The following EPHA6 variants were observed in gnomAD, a reference collection of about 807,000 sequenced individuals.
EPHA6 encodes ephrin type-A receptor 6.
Under a neutral mutation model 112.0 loss-of-function variants are expected in EPHA6, and 50 were observed. The observed-to-expected ratio is 0.45, with a 90% CI of 0.36 to 0.56. The LOEUF is 0.56. EPHA6 is among the 20% of genes least tolerant of loss of function. The probability of loss-of-function intolerance (pLI) is 0.00; values close to 1 mark genes in which losing one functional copy is unlikely to be tolerated. For missense variants in EPHA6, 1,280 were observed against 1,417.4 expected (o/e 0.90, Z 1.56); for synonymous variants, 529 against 490.7 (o/e 1.08, Z -1.03).
rs185061752 is a variant in EPHA6, at chr3:97,463,048, G to A, written c.1895-12304G>A. 4.1e-3 allele frequency among the ~76,000 whole-genome samples: 618 copies of A among 152,054 alleles called. 5 individuals are homozygous for A. The highest frequency in any genetic ancestry group is 0.013 in the African/African-American group (558 of 41,486). Reference sequence around the variant, plus strand: ...TATTAATGTCACTCAATAGAGATGAGAGAAATACAAGAATAGTCCAAATTT... The same window carrying A: ...TATTAATGTCACTCAATAGAGATGAAAGAAATACAAGAATAGTCCAAATTT... On this transcript the variant is annotated intron_variant, in intron 7 of 17. Transcript: ENST00000389672.
At chr3:97,553,059 C>A (rs2093050970) in intron 11 of EPHA6, among the ~76,000 whole-genome samples, 1 of 152,106 alleles carries the variant, frequency 6.6e-6, no homozygotes, top group Admixed American at 6.6e-5. Context: ...CAGTCTTGCC[C>A]CTACCACAAC....
At chr3:97,297,695 T>A (rs1173886227) in intron 5 of EPHA6, among the ~76,000 whole-genome samples, 1 of 152,230 alleles carries the variant, frequency 6.6e-6, no homozygotes, top group African/African-American at 2.4e-5. Flanking sequence ...ATGGGAATGA[T>A]ATGTTGAAGA....
intron 3 of EPHA6, among the ~76,000 whole-genome samples, chr3:97,148,473 A>T (rs1454454497): frequency 1.3e-5 from 2 of 152,122 alleles, no homozygotes; most frequent in East Asian, 3.9e-4. Context: ...TGTCTTGAAA[A>T]AAATGCATAT....
At chr3:97,680,100 C>A (rs1341300383) in intron 14 of EPHA6, among the ~76,000 whole-genome samples, 1 of 152,144 alleles carries the variant, frequency 6.6e-6, no homozygotes, top group Non-Finnish European at 1.5e-5. Flanking sequence ...TAATGAAAAT[C>A]TCTGTCAATT....
intron 3 of EPHA6, among the ~76,000 whole-genome samples, chr3:97,166,293 C>A (rs2076539283): frequency 1.3e-5 from 2 of 150,012 alleles, no homozygotes; most frequent in South Asian, 2.1e-4. Context: ...AAAGACCTTA[C>A]AATAATTAAC....
chr3:97,605,111 A>G (rs548663498), intron 12 of EPHA6, among the ~76,000 whole-genome samples: 116 of 151,678 alleles, frequency 7.6e-4, no homozygotes, highest in Non-Finnish European at 1.3e-3. Context: ...GGAGAAAGTA[A>G]ACTGTCAAGA....
chr3:97,434,709 C>G (rs2089723396), intron 6 of EPHA6, among the ~76,000 whole-genome samples: 1 of 151,994 alleles, frequency 6.6e-6, no homozygotes, highest in South Asian at 2.1e-4. Context: ...TATTGTATCT[C>G]TTGAATCTAT....
intron 7 of EPHA6, 56 bp downstream of exon 7, chr3:97,448,786 G>C: frequency 6.4e-7 from 1 of 1,572,424 alleles, no homozygotes; most frequent in Non-Finnish European, 8.7e-7. Context: ...ATTCCAATTT[G>C]ACCTGATATT....
intron 11 of EPHA6, among the ~76,000 whole-genome samples, chr3:97,558,016 C>G (rs1245524664): frequency 2.6e-5 from 4 of 151,926 alleles, no homozygotes; most frequent in Admixed American, 1.3e-4. Context: ...TTTGTAGACA[C>G]AAGATGGAGG....
intron 3 of EPHA6, among the ~76,000 whole-genome samples, chr3:97,196,805 T>G (rs866192952): frequency 7.9e-5 from 12 of 151,982 alleles, no homozygotes; most frequent in African/African-American, 2.4e-4. Flanking sequence ...AAGAGATTCT[T>G]GCTTCCTTCC....
intron 3 of EPHA6, among the ~76,000 whole-genome samples, chr3:97,014,111 A>G (rs957790072): frequency 3.3e-5 from 5 of 152,116 alleles, no homozygotes; most frequent in Non-Finnish European, 5.9e-5. Context: ...AAATGTGACT[A>G]TATTTTCCCA....
chr3:96,931,890 G>A (rs1337450187), intron 2 of EPHA6, among the ~76,000 whole-genome samples: 3 of 152,160 alleles, frequency 2.0e-5, no homozygotes, highest in Non-Finnish European at 4.4e-5. Context: ...CCCTTGTTGA[G>A]GATCCTAGAG....
At chr3:97,210,726 A>T (rs77641767) in intron 3 of EPHA6, among the ~76,000 whole-genome samples, 18 of 152,148 alleles carry the variant, frequency 1.2e-4, no homozygotes, top group Non-Finnish European at 2.4e-4. Context: ...ACATAAAAAA[A>T]CACCCCCAAA....
chr3:97,041,906 C>T (rs2045329951), intron 3 of EPHA6, among the ~76,000 whole-genome samples: 1 of 152,054 alleles, frequency 6.6e-6, no homozygotes, highest in African/African-American at 2.4e-5. Context: ...CCCTTAGGCC[C>T]CTCCTCCAAC....
chr3:97,164,248 G>C (rs990121262), intron 3 of EPHA6, among the ~76,000 whole-genome samples: 1 of 152,122 alleles, frequency 6.6e-6, no homozygotes, highest in Non-Finnish European at 1.5e-5. Context: ...GATTGTGCTA[G>C]GGACTATCTA....
chr3:97,667,098 C>A (rs1378271617), intron 14 of EPHA6, among the ~76,000 whole-genome samples: 2 of 152,138 alleles, frequency 1.3e-5, no homozygotes, highest in Non-Finnish European at 2.9e-5. Context: ...GTTCTTTTGA[C>A]TTACAAATGC....
intron 11 of EPHA6, among the ~76,000 whole-genome samples, chr3:97,576,162 G>A (rs541573274): frequency 6.6e-6 from 1 of 152,194 alleles, no homozygotes; most frequent in East Asian, 1.9e-4. Context: ...ATTTTTCTGT[G>A]AAATATTTTT....
At chr3:97,226,702 G>A (rs371551221) in intron 4 of EPHA6, among the ~76,000 whole-genome samples, 10 of 152,166 alleles carry the variant, frequency 6.6e-5, no homozygotes, top group South Asian at 2.1e-4. Flanking sequence ...TCTGTCCTTA[G>A]GAAATTATAG....
At chr3:97,118,651 G>A (rs2047960177) in intron 3 of EPHA6, among the ~76,000 whole-genome samples, 1 of 151,812 alleles carries the variant, frequency 6.6e-6, no homozygotes. Flanking sequence ...GGTAGAACTT[G>A]TATATTTAAG....
Sources: gnomAD v4.1 joint callset for allele counts (sites outside exome capture counted in the v4.1 genomes callset) on GRCh38, gnomAD v4.1.1 for gene constraint, MANE v1.5 for transcripts, NCBI Gene and HGNC (gene_info 2026-07-23, HGNC 2026-07-21) for gene names.